The following CNTN3 variants were observed in gnomAD, a reference collection of about 807,000 sequenced individuals.
CNTN3 encodes the protein contactin-3.
In CNTN3, 60 loss-of-function variants were observed where a neutral mutation model predicts 119.1. The observed-to-expected ratio is 0.50, with a 90% CI of 0.41 to 0.62. CNTN3 has a LOEUF of 0.62. CNTN3 is among the 20% of genes least tolerant of loss of function. The probability of loss-of-function intolerance (pLI) is 0.00; values close to 1 mark genes in which losing one functional copy is unlikely to be tolerated. For missense variants in CNTN3, 1,101 were observed against 1,242.4 expected (o/e 0.89, Z 1.71); for synonymous variants, 450 against 438.7 (o/e 1.03, Z -0.32).
chr3:74,374,229 C>A (rs1704414766), intron 5 of CNTN3, among the ~76,000 whole-genome samples: 1 of 152,110 alleles, frequency 6.6e-6, no homozygotes, highest in African/African-American at 2.4e-5. Context: ...AACATGGGAC[C>A]TGACTCGCAG....
chr3:74,482,840 C>T (rs1217844680), intron 4 of CNTN3, among the ~76,000 whole-genome samples: 1 of 152,124 alleles, frequency 6.6e-6, no homozygotes, highest in Non-Finnish European at 1.5e-5. Context: ...ATTCTAATCC[C>T]TTCTTTCAGT....
intron 5 of CNTN3, among the ~76,000 whole-genome samples, chr3:74,394,499 C>T (rs1398615152): frequency 6.6e-6 from 1 of 152,074 alleles, no homozygotes; most frequent in African/African-American, 2.4e-5. Context: ...CATCCAATCT[C>T]AATTTGTCTC....
chr3:74,412,387 T>C (rs1019576645), intron 5 of CNTN3, among the ~76,000 whole-genome samples: 2 of 152,194 alleles, frequency 1.3e-5, no homozygotes, highest in Admixed American at 6.5e-5. Context: ...TTTGGAAAAC[T>C]ATTTCCAGGA....
intron 1 of CNTN3, among the ~76,000 whole-genome samples, chr3:74,536,887 G>T (rs544537173): frequency 6.1e-4 from 93 of 152,158 alleles, no homozygotes; most frequent in South Asian, 3.7e-3. Flanking sequence ...AGAGCAGAGT[G>T]CCAGAGGGGT....
intron 12 of CNTN3, among the ~76,000 whole-genome samples, chr3:74,335,584 G>C (rs983003149): frequency 2.0e-5 from 3 of 152,064 alleles, no homozygotes; most frequent in African/African-American, 7.2e-5. Context: ...ATTTATGCAT[G>C]TTGTCTACAA....
chr3:74,285,790 GATATATATATAT>G (rs71129738), intron 19 of CNTN3, among the ~76,000 whole-genome samples: 4,595 of 56,530 alleles, frequency 0.081, 196 homozygotes, highest in Middle Eastern at 0.17. Context: ...ATGAAGGGGA[GATATATATATAT>G]ATATATATAT....
intron 3 of CNTN3, among the ~76,000 whole-genome samples, chr3:74,493,390 G>A (rs1703002831): frequency 6.6e-6 from 1 of 152,108 alleles, no homozygotes; most frequent in Non-Finnish European, 1.5e-5. Context: ...TAAAGCTATT[G>A]TCTTTCAGAA....
intron 11 of CNTN3, among the ~76,000 whole-genome samples, chr3:74,338,465 T>C (rs762240131): frequency 6.7e-6 from 1 of 150,014 alleles, no homozygotes; most frequent in South Asian, 2.1e-4. Context: ...CATATGTGTA[T>C]ACACATATGT....
intron 18 of CNTN3, among the ~76,000 whole-genome samples, chr3:74,296,797 T>G (rs1702345945): frequency 6.6e-6 from 1 of 151,820 alleles, no homozygotes; most frequent in African/African-American, 2.4e-5. Context: ...AGTGCCTATA[T>G]TTTTTATTTG....
intron 4 of CNTN3, among the ~76,000 whole-genome samples, chr3:74,429,095 T>C (rs1176552924): frequency 6.6e-6 from 1 of 152,174 alleles, no homozygotes; most frequent in Non-Finnish European, 1.5e-5. Context: ...ATCCCTGTCA[T>C]TAAGTGACAC....
At chr3:74,446,423 G>A (rs552809044) in intron 4 of CNTN3, among the ~76,000 whole-genome samples, 22 of 152,174 alleles carry the variant, frequency 1.4e-4, no homozygotes, top group Non-Finnish European at 1.5e-4. Context: ...TGTGTGTGTA[G>A]AAAGGAGAAA....
At chr3:74,608,522 A>G (rs1705029243) in intron 1 of CNTN3, among the ~76,000 whole-genome samples, 1 of 152,164 alleles carries the variant, frequency 6.6e-6, no homozygotes, top group African/African-American at 2.4e-5. Context: ...GGTGCTCACA[A>G]CCTTTGGCTT....
At chr3:74,321,838 CA>C (rs1020931482) in intron 13 of CNTN3, among the ~76,000 whole-genome samples, 1 of 151,988 alleles carries the variant, frequency 6.6e-6, no homozygotes, top group Non-Finnish European at 1.5e-5. Flanking sequence ...AAAAGTTATA[CA>C]AAAATAAGTA....
chr3:74,486,339 G>T, intron 4 of CNTN3, 117 bp downstream of exon 4: 1 of 882,450 alleles, frequency 1.1e-6, no homozygotes, highest in Non-Finnish European at 1.7e-6. Flanking sequence ...TGCTTTCTCA[G>T]TCTATTTACT....
At chr3:74,425,035 A>C (rs1056720577) in intron 4 of CNTN3, 95 bp from the exon 5 acceptor site, 1 of 821,550 alleles carries the variant, frequency 1.2e-6, no homozygotes, top group South Asian at 1.9e-5. Flanking sequence ...AAACAATTTT[A>C]GTTTTTGCTT....
intron 13 of CNTN3, among the ~76,000 whole-genome samples, chr3:74,332,287 C>G (rs984916161): frequency 6.6e-6 from 1 of 152,212 alleles, no homozygotes; most frequent in Non-Finnish European, 1.5e-5. Context: ...AACTGATTTA[C>G]TTAATTGCCT....
chr3:74,295,227 A>G lies in CNTN3; in HGVS notation c.2411T>C (p.Val804Ala). Residue 804 changes from valine to alanine, a missense_variant, in exon 19 of 23, where the codon GTG becomes GCG. Physicochemically the swap from Val to Ala is moderately conservative, Grantham distance 64. Transcript: ENST00000263665. ...TVFSAEEEPT[V>A]APSQVSANSL... ...ATTTGCAGAGACTTGAGATGGGGCC[A>G]CTGTAGGCTCTGTTCGGAAACAGAA... is the stretch of plus-strand genomic sequence containing the variant. 6.3e-7 allele frequency: 1 copy of G among 1,595,610 alleles called. No individual in the cohort carries two copies. Among genetic ancestry groups the G allele is most frequent in the East Asian group, 2.2e-5 (1 of 44,742 alleles).
intron 2 of CNTN3, among the ~76,000 whole-genome samples, chr3:74,505,547 C>A (rs1252672643): frequency 6.7e-6 from 1 of 150,064 alleles, no homozygotes; most frequent in Non-Finnish European, 1.5e-5. Flanking sequence ...CAATATGTTA[C>A]AGAAAAGGCA....
intron 4 of CNTN3, among the ~76,000 whole-genome samples, chr3:74,485,150 C>T (rs1702829957): frequency 1.3e-5 from 2 of 151,304 alleles, no homozygotes; most frequent in African/African-American, 4.9e-5. Flanking sequence ...TATATATATT[C>T]CTATATACAT....
Sources: gnomAD v4.1 joint callset for allele counts (sites outside exome capture counted in the v4.1 genomes callset) on GRCh38, gnomAD v4.1.1 for gene constraint, MANE v1.5 for transcripts, NCBI Gene and HGNC (gene_info 2026-07-23, HGNC 2026-07-21) for gene names.